Variants in CBFB observed in about 807,000 individuals in gnomAD.
The protein encoded by CBFB is CBF-beta.
Under a neutral mutation model 30.4 loss-of-function variants are expected in CBFB, and 9 were observed. The observed-to-expected ratio is 0.30, with a 90% CI of 0.18 to 0.52. The LOEUF (loss-of-function observed/expected upper bound fraction) is 0.52, where lower values mean the gene tolerates loss of function less well. Ranked by LOEUF, CBFB falls within the 20% of genes least tolerant of loss-of-function variation. CBFB has a pLI of 0.97. For synonymous variants in CBFB, 94 were observed against 84.0 expected, an observed-to-expected ratio of 1.12 and a Z score of -0.65; for missense variants, 170 against 244.0, an observed-to-expected ratio of 0.70 and a Z score of 2.02.
In CBFB at chr16:67,099,953, A is replaced by C. The variant is rs1265636660; in HGVS notation, c.*1175A>C. 1 of 208,764 alleles carries C rather than the reference A, an allele frequency of 4.8e-6. No individual in the cohort carries two copies. Among genetic ancestry groups the C allele is most frequent in the Non-Finnish European group, 9.8e-6 (1 of 102,440 alleles). The allele number at this position is 208,764 out of a possible 1,614,324, so 12.9% of individuals were successfully genotyped here. On this transcript the variant is annotated 3_prime_UTR_variant, in exon 6 of 6. Coordinates refer to ENST00000412916, the MANE Select transcript of CBFB (RefSeq NM_022845.3). ...ATGCATTTTCTTCCATTAATTCTGG[A>C]AAAAACGTTCACAGTTATATATATG...
rs368553373 is a variant in CBFB, at chr16:67,029,708, G to T, written c.79-19G>T. The T allele has an allele frequency of 2.5e-6, 4 of 1,575,452 alleles. No individual in the cohort carries two copies. Among genetic ancestry groups the T allele is most frequent in the East Asian group, 2.4e-5 (1 of 41,214 alleles). On this transcript the variant is annotated intron_variant, in intron 1 of 5. Transcript: ENST00000412916. ...CGCCGCGGATTTGGCTCCTGATTTC[G>T]GGCCGTCTTGCCTTGCAGATTAAGT...
intron 3 of CBFB, among the ~76,000 whole-genome samples, chr16:67,061,611 A>G (rs972410732): frequency 1.5e-4 from 23 of 152,118 alleles, no homozygotes; most frequent in Admixed American, 2.6e-4. Flanking sequence ...AAAGCACCAA[A>G]CATTTACTTT....
chr16:67,047,837 G>A (rs908411155), intron 3 of CBFB, among the ~76,000 whole-genome samples: 7 of 152,096 alleles, frequency 4.6e-5, no homozygotes, highest in African/African-American at 1.4e-4. Flanking sequence ...GGAAGGCCAG[G>A]GCGGGTGGAT....
At chr16:67,046,946 T>C (rs947621026) in intron 3 of CBFB, among the ~76,000 whole-genome samples, 24 of 152,296 alleles carry the variant, frequency 1.6e-4, no homozygotes, top group Admixed American at 1.3e-3. Flanking sequence ...GAAAGTATTA[T>C]CTGTTATAAG....
chr16:67,029,556 G>A, intron 1 of CBFB, 71 bp downstream of exon 1: 1 of 1,473,874 alleles, frequency 6.8e-7, no homozygotes, highest in African/African-American at 1.4e-5. Context: ...GAAAAGTTTG[G>A]GCGGCACGGT....
intron 3 of CBFB, among the ~76,000 whole-genome samples, chr16:67,039,382 A>G (rs1437921116): frequency 6.6e-6 from 1 of 152,196 alleles, no homozygotes; most frequent in Non-Finnish European, 1.5e-5. Flanking sequence ...CAGGACTGGA[A>G]GTTGCTCTGG....
chr16:67,066,414 G>T (rs1028531650), intron 3 of CBFB, among the ~76,000 whole-genome samples: 2 of 67,916 alleles, frequency 2.9e-5, no homozygotes, highest in East Asian at 6.8e-4. Context: ...AAAAAAATTA[G>T]CCAGGCATGA....
intron 3 of CBFB, among the ~76,000 whole-genome samples, chr16:67,037,981 A>G (rs1966469848): frequency 6.6e-6 from 1 of 151,976 alleles, no homozygotes; most frequent in Admixed American, 6.6e-5. Flanking sequence ...GTAAATTTTA[A>G]TGAATAGCAT....
At chr16:67,031,192 G>A (rs1023748370) in intron 2 of CBFB, among the ~76,000 whole-genome samples, 3 of 152,204 alleles carry the variant, frequency 2.0e-5, no homozygotes, top group African/African-American at 7.2e-5. Context: ...ATAGTGAGAA[G>A]ATACTGGTTA....
chr16:67,073,543 C>T (rs1181502636), intron 4 of CBFB, among the ~76,000 whole-genome samples: 4 of 152,150 alleles, frequency 2.6e-5, no homozygotes, highest in African/African-American at 9.7e-5. Context: ...GTCAGGAGTT[C>T]GAGACCAGCC....
At chr16:67,038,598 T>C (rs1966481748) in intron 3 of CBFB, among the ~76,000 whole-genome samples, 1 of 152,132 alleles carries the variant, frequency 6.6e-6, no homozygotes, top group African/African-American at 2.4e-5. Context: ...ATTTTACTAT[T>C]TGGTAATTCT....
At chr16:67,064,928 C>T (rs1961011333) in intron 3 of CBFB, among the ~76,000 whole-genome samples, 1 of 151,726 alleles carries the variant, frequency 6.6e-6, no homozygotes, top group Admixed American at 6.6e-5. Context: ...AGACAAGTCT[C>T]ACTCTGTCAC....
chr16:67,030,466 AT>A (rs1966318984), intron 2 of CBFB, among the ~76,000 whole-genome samples: 1 of 151,972 alleles, frequency 6.6e-6, no homozygotes. Context: ...TAGGAGGCAG[AT>A]TTAGTGCGTC....
chr16:67,041,994 A>C (rs1476661962), intron 3 of CBFB, among the ~76,000 whole-genome samples: 1 of 151,148 alleles, frequency 6.6e-6, no homozygotes, highest in African/African-American at 2.4e-5. Flanking sequence ...TGCAGCCTCA[A>C]TGTCCCAAGC....
chr16:67,043,372 T>C (rs1472003202), intron 3 of CBFB, among the ~76,000 whole-genome samples: 3 of 152,250 alleles, frequency 2.0e-5, no homozygotes, highest in Non-Finnish European at 4.4e-5. Context: ...TTAGTCCTTT[T>C]ATTCATTCTG....
chr16:67,050,656 G>A (rs889115344), intron 3 of CBFB, among the ~76,000 whole-genome samples: 2 of 152,060 alleles, frequency 1.3e-5, no homozygotes, highest in African/African-American at 4.8e-5. Context: ...AGCCGGGTAT[G>A]GTGGCATGCA....
At chr16:67,063,045 T>G (rs1285779049) in intron 3 of CBFB, among the ~76,000 whole-genome samples, 1 of 152,130 alleles carries the variant, frequency 6.6e-6, no homozygotes, top group African/African-American at 2.4e-5. Flanking sequence ...TAATGAAGAT[T>G]TCTGGATGGA....
At chr16:67,049,289 C>T (rs113322636) in intron 3 of CBFB, among the ~76,000 whole-genome samples, 1,822 of 151,886 alleles carry the variant, frequency 0.012, 42 homozygotes, top group African/African-American at 0.042. Context: ...CTGCAACCTC[C>T]GCCTCCCGGA....
chr16:67,043,119 T>A (rs1480785155), intron 3 of CBFB, among the ~76,000 whole-genome samples: 1 of 152,180 alleles, frequency 6.6e-6, no homozygotes, highest in Non-Finnish European at 1.5e-5. Flanking sequence ...GCTTAGCCTG[T>A]TCATTAGAAG....
Sources: allele counts gnomAD v4.1 joint callset (sites outside exome capture counted in the v4.1 genomes callset), GRCh38; gene constraint gnomAD v4.1.1; transcripts MANE v1.5; gene names NCBI Gene and HGNC (gene_info 2026-07-23, HGNC 2026-07-21).